Variants in MICAL3 observed in about 807,000 individuals in gnomAD.
MICAL3 encodes the protein microtubule associated monooxygenase, calponin and LIM domain containing 3.
A neutral mutation model predicts 207.4 loss-of-function variants in MICAL3; 62 were observed. The observed-to-expected ratio is 0.30, with a 90% CI of 0.24 to 0.37. The LOEUF is 0.37. Among genes scored for constraint, MICAL3 ranks in the 10% least tolerant of loss-of-function variants. The pLI, the probability that MICAL3 is intolerant of heterozygous loss-of-function variation, is 1.00. For synonymous variants in MICAL3, 1,077 were observed against 1,069.3 expected (o/e 1.01, Z -0.14); for missense variants, 2,368 against 2,635.6 (o/e 0.90, Z 2.22).
At chr22:17,969,746 A>G in intron 1 of MICAL3, among the ~76,000 whole-genome samples, 1 of 152,352 alleles carries the variant, frequency 6.6e-6, no homozygotes, top group East Asian at 1.9e-4. Flanking sequence ...CGATGCTGCT[A>G]GCCAGAACAG....
intron 19 of MICAL3, among the ~76,000 whole-genome samples, chr22:17,858,234 T>C (rs1448666665): frequency 1.3e-5 from 2 of 152,136 alleles, no homozygotes. Flanking sequence ...GAAAGAGGTG[T>C]TGGCAGCCAA....
intron 12 of MICAL3, 27 bp from the exon 13 acceptor site, chr22:17,889,257 T>C: frequency 6.5e-7 from 1 of 1,543,482 alleles, no homozygotes; most frequent in Non-Finnish European, 8.9e-7. Context: ...GGAAAACATA[T>C]CAAGATAGGT....
At chr22:17,973,683 C>T (rs1369496657) in intron 1 of MICAL3, among the ~76,000 whole-genome samples, 4 of 152,192 alleles carry the variant, frequency 2.6e-5, no homozygotes, top group African/African-American at 7.2e-5. Context: ...AATCCCTGCA[C>T]TTTGGAAGGT....
rs964320207 is a variant in MICAL3, at chr22:17,979,438, G to A, written c.-75+44843C>T. Among the ~76,000 whole-genome samples, 30 of 152,190 alleles carry A rather than the reference G, an allele frequency of 2.0e-4. 1 individual carries two copies. Among genetic ancestry groups the A allele is most frequent in the African/African-American group, 7.0e-4 (29 of 41,532 alleles). On this transcript the variant is annotated intron_variant, in intron 1 of 31. Coordinates refer to ENST00000441493, the MANE Select transcript of MICAL3 (RefSeq NM_015241.3). ...TGGGCGCCTGTAATCCCAGCTACTC[G>A]GGAGTGTGAGGCAGGAGAATCACTT...
At chr22:18,012,104 G>A (rs558152900) in intron 1 of MICAL3, among the ~76,000 whole-genome samples, 6 of 151,960 alleles carry the variant, frequency 3.9e-5, no homozygotes, top group South Asian at 2.1e-4. Flanking sequence ...GTATGGTGGC[G>A]GGAGCCTATA....
At chr22:17,998,118 A>G (rs1220993465) in intron 1 of MICAL3, among the ~76,000 whole-genome samples, 1 of 152,134 alleles carries the variant, frequency 6.6e-6, no homozygotes, top group African/African-American at 2.4e-5. Context: ...CCTGACCAAC[A>G]CGGTGAAACC....
At chr22:17,991,744 G>A (rs1378970793) in intron 1 of MICAL3, among the ~76,000 whole-genome samples, 1 of 152,044 alleles carries the variant, frequency 6.6e-6, no homozygotes, top group Non-Finnish European at 1.5e-5. Flanking sequence ...CAAGCAAAAC[G>A]GTATCTCACT....
chr22:17,945,756 C>A (rs1212172967), intron 1 of MICAL3, among the ~76,000 whole-genome samples: 1 of 152,138 alleles, frequency 6.6e-6, no homozygotes, highest in African/African-American at 2.4e-5. Flanking sequence ...AAGACTACAG[C>A]CAAAGCTTCT....
chr22:17,872,645 T>C (rs960572925), intron 16 of MICAL3: 1 of 744,992 alleles, frequency 1.3e-6, no homozygotes, highest in Admixed American at 2.2e-5. Flanking sequence ...AATTACCGCA[T>C]AGCATACACG....
chr22:17,996,335 T>G (rs911767182), intron 1 of MICAL3, among the ~76,000 whole-genome samples: 2 of 150,762 alleles, frequency 1.3e-5, no homozygotes, highest in Non-Finnish European at 2.9e-5. Flanking sequence ...TCCCAGCTAC[T>G]CGGGAGGCTG....
chr22:17,887,641 A>G (rs2063878270), intron 13 of MICAL3, among the ~76,000 whole-genome samples: 1 of 152,236 alleles, frequency 6.6e-6, no homozygotes, highest in African/African-American at 2.4e-5. Context: ...TCTTTTGTTC[A>G]TCCACATAAA....
chr22:17,873,552 T>A (rs1040738790), intron 16 of MICAL3, among the ~76,000 whole-genome samples: 2 of 152,334 alleles, frequency 1.3e-5, no homozygotes, highest in East Asian at 3.9e-4. Flanking sequence ...CCTTCTAGAC[T>A]GGGCTGGGCA....
chr22:17,822,540 G>A lies in MICAL3; in HGVS notation c.3308-370C>T, dbSNP rs558307973. ...CCTCCTCCTCTCAGTAGCCCTGACT[G>A]CCACCCCAACTCCACAGCTGAGGCC... On this transcript the variant is annotated intron_variant, in intron 23 of 31. Coordinates refer to ENST00000441493, the MANE Select transcript of MICAL3 (RefSeq NM_015241.3). 1.1e-4 allele frequency among the ~76,000 whole-genome samples: 17 copies of A among 152,306 alleles called. No homozygotes were observed. The South Asian group carries it at 3.1e-3, about 28-fold the overall frequency.
At chr22:18,005,892 C>T (rs1602392255) in intron 1 of MICAL3, 7 of 152,166 alleles carry the variant, frequency 4.6e-5, no homozygotes, top group Admixed American at 4.6e-4. Context: ...ATTATTTCTT[C>T]TTTTTCAACT....
intron 1 of MICAL3, among the ~76,000 whole-genome samples, chr22:18,009,132 C>G (rs1923578292): frequency 7.1e-6 from 1 of 141,298 alleles, no homozygotes; most frequent in Non-Finnish European, 1.5e-5. Flanking sequence ...TACCAAGGCA[C>G]TGCAAAATAA....
At chr22:17,801,126 A>G (rs2061932974) in intron 29 of MICAL3, among the ~76,000 whole-genome samples, 1 of 151,242 alleles carries the variant, frequency 6.6e-6, no homozygotes, top group African/African-American at 2.4e-5. Context: ...GTGATTCACA[A>G]GGCATCCTGA....
At chr22:17,816,344 C>G (rs2146004053) in intron 27 of MICAL3, among the ~76,000 whole-genome samples, 1 of 152,386 alleles carries the variant, frequency 6.6e-6, no homozygotes, top group South Asian at 2.1e-4. Flanking sequence ...GTTCTCCAGG[C>G]CCTGGGGCTG....
At chr22:17,874,037 G>C (rs886667637) in intron 16 of MICAL3, among the ~76,000 whole-genome samples, 1 of 152,236 alleles carries the variant, frequency 6.6e-6, no homozygotes, top group Non-Finnish European at 1.5e-5. Flanking sequence ...ATAAGGCCTC[G>C]TGTGAGGAAG....
chr22:18,001,935 C>T (rs556761445), intron 1 of MICAL3, among the ~76,000 whole-genome samples: 1 of 152,158 alleles, frequency 6.6e-6, no homozygotes, highest in Non-Finnish European at 1.5e-5. Flanking sequence ...CGGTGGCTAA[C>T]GCCTGTAATC....
Sources: gnomAD v4.1 joint callset for allele counts (sites outside exome capture counted in the v4.1 genomes callset) on GRCh38, gnomAD v4.1.1 for gene constraint, MANE v1.5 for transcripts, NCBI Gene and HGNC (gene_info 2026-07-23, HGNC 2026-07-21) for gene names.